PP2D1: variants seen among roughly 807,000 people sequenced by gnomAD.
PP2D1 encodes the protein protein phosphatase 2C like domain containing 1, also known as protein phosphatase 2C-like domain-containing protein 1.
A neutral mutation model predicts 30.2 loss-of-function variants in PP2D1; 25 were observed. The ratio of observed to expected loss-of-function variants is 0.83; its 90% CI spans 0.60 to 1.16. The LOEUF (loss-of-function observed/expected upper bound fraction) is 1.16, where lower values mean the gene tolerates loss of function less well. Among genes scored for constraint, PP2D1 ranks in the 50% most tolerant of loss-of-function variants. PP2D1 has a pLI of 0.00. For missense variants in PP2D1, 760 were observed against 742.4 expected (o/e 1.02, Z -0.28); for synonymous variants, 260 against 258.9 (o/e 1.00, Z -0.04).
At chr3:19,983,197 G>C (rs1373719141), downstream of PP2D1, among the ~76,000 whole-genome samples, 1 of 151,938 alleles carries the variant, frequency 6.6e-6, no homozygotes, top group Non-Finnish European at 1.5e-5. Flanking sequence ...TTAGCTGGGT[G>C]TGGTGGGGCA....
downstream of PP2D1, chr3:19,984,453 C>T: frequency 4.4e-6 from 1 of 225,744 alleles, no homozygotes; most frequent in South Asian, 5.1e-5. Flanking sequence ...AAATGCAACC[C>T]CATCTTGTTT....
downstream of PP2D1, chr3:19,983,617 CT>C: frequency 2.2e-6 from 2 of 890,116 alleles, no homozygotes; most frequent in African/African-American, 1.7e-5. Context: ...TGGGGGTAAC[CT>C]AACTGGAAAG....
intron 2 of PP2D1, among the ~76,000 whole-genome samples, chr3:19,996,613 G>C: frequency 6.6e-6 from 1 of 152,040 alleles, no homozygotes; most frequent in Non-Finnish European, 1.5e-5. Context: ...ACCAAAATCA[G>C]AAAACACACA....
At chr3:19,986,509 G>A (rs556990206) in intron 2 of PP2D1, among the ~76,000 whole-genome samples, 1 of 152,298 alleles carries the variant, frequency 6.6e-6, no homozygotes, top group Admixed American at 6.5e-5. Context: ...AGAGTCATGA[G>A]TTGAACTTTT....
chr3:20,003,887 C>G (rs758907970), intron 1 of PP2D1, among the ~76,000 whole-genome samples: 9 of 151,860 alleles, frequency 5.9e-5, no homozygotes, highest in Non-Finnish European at 8.8e-5. Context: ...GTCTTTTAAG[C>G]CAAATGTTAC....
downstream of PP2D1, among the ~76,000 whole-genome samples, chr3:19,980,738 T>G (rs560380574): frequency 6.6e-6 from 1 of 152,310 alleles, no homozygotes; most frequent in East Asian, 1.9e-4. Context: ...GGGCTTTGCT[T>G]GTAAATACAT....
In PP2D1 at chr3:20,001,758, A is replaced by G. The variant is rs1575087567; in HGVS notation, c.362T>C (p.Phe121Ser). 2 of 1,532,460 alleles carry G rather than the reference A, an allele frequency of 1.3e-6. No homozygotes were observed. Among genetic ancestry groups the G allele is most frequent in the Non-Finnish European group, 8.7e-7 (1 of 1,145,548 alleles). 94.9% of individuals were successfully genotyped at this position (1,532,460 alleles called of 1,614,324 possible). ...CTGTAGGGTTTTTTCAGTGAACATA[A>G]AAGATGACAATAGTTTAGAAATCAT... ...QFMISKLLSS[F>S]MFTEKTLQSI... is the part of the protein sequence containing the mutation. Residue 121 changes from phenylalanine to serine, a missense_variant, in exon 2 of 3, where the codon TTT becomes TCT. Coordinates refer to ENST00000389050, the MANE Select transcript of PP2D1 (RefSeq NM_001252657.2).
chr3:20,010,921 T>G (rs945688717), intron 1 of PP2D1, among the ~76,000 whole-genome samples: 1 of 152,078 alleles, frequency 6.6e-6, no homozygotes, highest in African/African-American at 2.4e-5. Context: ...CTTGAAGCTA[T>G]GAGGGAAAAA....
intron 2 of PP2D1, 59 bp downstream of exon 2, chr3:20,000,970 GT>G (rs1414593231): frequency 3.1e-6 from 3 of 975,560 alleles, no homozygotes; most frequent in Non-Finnish European, 2.7e-6. Flanking sequence ...AGCATGAGGG[GT>G]TTTGCTGCAA....
chr3:20,001,657 T>C lies in PP2D1; in HGVS notation c.463A>G (p.Arg155Gly). Residue 155 changes from arginine to glycine, a missense_variant, in exon 2 of 3, where the codon AGG becomes GGG. Physicochemically the swap from Arg to Gly is moderately radical, Grantham distance 125. Around this residue, in one of 3 missense-constraint regions of PP2D1, gnomAD observed 374 missense variants for 388.8 expected, o/e 0.96. Coordinates refer to ENST00000389050, the MANE Select transcript of PP2D1 (RefSeq NM_001252657.2). ...AYYKIFDNID[R>G]SVIYSQKICH... ...ATTTTTTGAGAATATATGACACTCC[T>C]GTCAATGTTATCAAAAATCTTATAG... is the stretch of plus-strand genomic sequence containing the variant. 1 of 1,536,080 alleles carries C rather than the reference T, an allele frequency of 6.5e-7. No individual in the cohort carries two copies. Among genetic ancestry groups the C allele is most frequent in the South Asian group, 1.2e-5 (1 of 84,022 alleles).
chr3:19,990,014 T>C lies in PP2D1; in HGVS notation c.1091-3832A>G, dbSNP rs192040002. 3.3e-5 allele frequency among the ~76,000 whole-genome samples: 5 copies of C among 152,300 alleles called. No homozygotes were observed. In the East Asian group the frequency reaches 5.8e-4, roughly 18 times the overall value. ...TTATGCACTATTTGCCTTTTTTTTT[T>C]CCTGTGCTACAGAGTAGGACATACC... On this transcript the variant is annotated intron_variant, in intron 2 of 2. Coordinates refer to ENST00000389050, the MANE Select transcript of PP2D1 (RefSeq NM_001252657.2).
At chr3:20,002,423 T>C (rs956044875) in intron 1 of PP2D1, among the ~76,000 whole-genome samples, 8 of 152,196 alleles carry the variant, frequency 5.3e-5, no homozygotes, top group African/African-American at 1.9e-4. Context: ...AATATGGACA[T>C]ACAGTCATGT....
intron 2 of PP2D1, among the ~76,000 whole-genome samples, chr3:19,989,790 CAAT>C (rs1172250222): frequency 6.6e-5 from 10 of 152,078 alleles, no homozygotes; most frequent in African/African-American, 2.4e-4. Context: ...GTTTGGCTCA[CAAT>C]AGTCAAATCT....
At position 19,987,210 on chromosome 3, in the gene PP2D1, G is replaced by C. The variant is rs1447864868; in HGVS notation, c.1091-1028C>G. On this transcript the variant is annotated intron_variant, in intron 2 of 2. Coordinates refer to ENST00000389050, the MANE Select transcript of PP2D1 (RefSeq NM_001252657.2). Reference sequence around the variant, plus strand: ...TGGTGTGCTTCATTGAAATCTTACAGTTTAAACATGATCTGAACAGATTGC... The same window carrying C: ...TGGTGTGCTTCATTGAAATCTTACACTTTAAACATGATCTGAACAGATTGC... 2.0e-5 allele frequency among the ~76,000 whole-genome samples: 3 copies of C among 152,052 alleles called. No homozygotes were observed. In the South Asian group the frequency reaches 6.2e-4, roughly 32 times the overall value.
intron 1 of PP2D1, among the ~76,000 whole-genome samples, chr3:20,002,980 G>A (rs1173392342): frequency 6.6e-6 from 1 of 151,948 alleles, no homozygotes; most frequent in Non-Finnish European, 1.5e-5. Flanking sequence ...GCTTGAACCT[G>A]GGAGACGGAG....
chr3:19,982,337 G>A (rs902907468), downstream of PP2D1, among the ~76,000 whole-genome samples: 2 of 152,192 alleles, frequency 1.3e-5, no homozygotes, highest in African/African-American at 4.8e-5. Flanking sequence ...GTGTCTAAGT[G>A]TATTTCCACT....
intron 2 of PP2D1, among the ~76,000 whole-genome samples, chr3:19,992,713 T>C (rs1697132878): frequency 6.6e-6 from 1 of 152,242 alleles, no homozygotes; most frequent in Non-Finnish European, 1.5e-5. Flanking sequence ...GAGTCCTGGC[T>C]CACTCACTGG....
downstream of PP2D1, chr3:19,983,946 T>G (rs1237450209): frequency 3.0e-6 from 2 of 666,582 alleles, no homozygotes; most frequent in African/African-American, 1.8e-5. Flanking sequence ...GAGTCAAGTT[T>G]CTAATACAGA....
Position 19,993,893 on chromosome 3 carries a change from C to T in PP2D1, c.1090+7137G>A, listed in dbSNP as rs186979447. Among the ~76,000 whole-genome samples the T allele has an allele frequency of 1.2e-3, 189 of 152,078 alleles. 1 individual carries two copies. The South Asian group carries it at 0.018, about 14-fold the overall frequency. On this transcript the variant is annotated intron_variant, in intron 2 of 2. Coordinates refer to ENST00000389050, the MANE Select transcript of PP2D1 (RefSeq NM_001252657.2). The stretch of plus-strand genomic sequence containing the variant: ...AGCTGGGATTACAGGTGCCCACCCC[C>T]GGCTAATTTTTGTATTTTTTAGTAG...
Sources: gnomAD v4.1 joint callset for allele counts (sites outside exome capture counted in the v4.1 genomes callset) on GRCh38, gnomAD v4.1.1 for gene constraint, gnomAD v4.1.1 regional missense constraint, MANE v1.5 for transcripts, NCBI Gene and HGNC (gene_info 2026-07-23, HGNC 2026-07-21) for gene names.